Variants in ATP9B observed in about 807,000 individuals in gnomAD.
ATP9B encodes the protein ATPase phospholipid transporting 9B.
In ATP9B, 110 loss-of-function variants were observed where a neutral mutation model predicts 146.1. The observed-to-expected ratio is 0.75, with a 90% CI of 0.65 to 0.88. The LOEUF is 0.88. ATP9B is among the 40% of genes least tolerant of loss of function. The probability of loss-of-function intolerance (pLI) is 0.00; values close to 1 mark genes in which losing one functional copy is unlikely to be tolerated. For synonymous variants in ATP9B, 604 were observed against 569.7 expected (o/e 1.06, Z -0.86); for missense variants, 1,499 against 1,496.4 (o/e 1.00, Z -0.03).
At chr18:79,246,044 A>T (rs1236841352) in intron 11 of ATP9B, among the ~76,000 whole-genome samples, 402 of 70,298 alleles carry the variant, frequency 5.7e-3, no homozygotes, top group African/African-American at 0.024. Flanking sequence ...CGCCCTACTG[A>T]CTGTGCGGAG....
intron 11 of ATP9B, among the ~76,000 whole-genome samples, chr18:79,222,085 T>C (rs1374942245): frequency 6.6e-6 from 1 of 152,130 alleles, no homozygotes; most frequent in Non-Finnish European, 1.5e-5. Context: ...ATCCTAAATA[T>C]GTACTTTTTC....
At position 79,274,688 on chromosome 18, in the gene ATP9B, A is replaced by C. The variant is rs143553342; in HGVS notation, c.1269-2366A>C. 6.8e-3 allele frequency among the ~76,000 whole-genome samples: 1,028 copies of C among 152,236 alleles called. 5 individuals are homozygous for C. Among genetic ancestry groups the C allele is most frequent in the African/African-American group, 0.022 (930 of 41,530 alleles). On this transcript the variant is annotated intron_variant, in intron 12 of 29. Transcript: ENST00000426216. ...GAAGTCAGGTGTAGTTTACTCAGTG[A>C]TCTTTCGCTAGTAAGCTGTAAACTT...
At chr18:79,206,873 A>G (rs1303170578) in intron 9 of ATP9B, 64 bp from the exon 10 acceptor site, 13 of 1,416,866 alleles carry the variant, frequency 9.2e-6, no homozygotes, top group African/African-American at 7.0e-5. Flanking sequence ...TACTGAGGTT[A>G]TATAAGGTGT....
intron 7 of ATP9B, among the ~76,000 whole-genome samples, chr18:79,165,716 C>G (rs531851720): frequency 1.1e-3 from 172 of 152,214 alleles, no homozygotes; most frequent in Non-Finnish European, 1.4e-3. Context: ...TAAGCCCATG[C>G]AGCCAAAAAG....
intron 15 of ATP9B, among the ~76,000 whole-genome samples, chr18:79,320,475 G>A (rs2146873833): frequency 6.6e-6 from 1 of 152,356 alleles, no homozygotes; most frequent in East Asian, 1.9e-4. Flanking sequence ...AGGGGCATGA[G>A]AGGCCCAGGG....
At chr18:79,224,576 C>T (rs2095711125) in intron 11 of ATP9B, among the ~76,000 whole-genome samples, 1 of 152,168 alleles carries the variant, frequency 6.6e-6, no homozygotes, top group Non-Finnish European at 1.5e-5. Flanking sequence ...TACCATACAT[C>T]AAAAACAGGT....
At position 79,126,462 on chromosome 18, in the gene ATP9B, T is replaced by A. The variant is rs2094288849; in HGVS notation, c.667+87T>A. 6.7e-6 allele frequency: 6 copies of A among 897,482 alleles called. No individual in the cohort carries two copies. The African/African-American group carries it at 8.5e-5, about 13-fold the overall frequency. The allele number at this position is 897,482 out of a possible 1,614,324, so 55.6% of individuals were successfully genotyped here. A position where few individuals can be genotyped will look rare whatever the true frequency, so the allele number is the denominator to read the frequency against. ...ACATAACAAATGTATGAAAACATTT[T>A]AATTCTATTATTGAAAATAGTATTA... On this transcript the variant is annotated intron_variant, in intron 5 of 29. Coordinates refer to ENST00000426216, the MANE Select transcript of ATP9B (RefSeq NM_198531.5).
intron 7 of ATP9B, among the ~76,000 whole-genome samples, chr18:79,173,298 A>G (rs2095107982): frequency 6.6e-6 from 1 of 152,202 alleles, no homozygotes; most frequent in South Asian, 2.1e-4. Flanking sequence ...CATCTTCTGC[A>G]AGGATCTTTA....
chr18:79,245,593 A>G (rs111991863), intron 11 of ATP9B, among the ~76,000 whole-genome samples: 1 of 45,550 alleles, frequency 2.2e-5, no homozygotes, highest in Non-Finnish European at 4.4e-5. Context: ...CACCGCCCTA[A>G]TGACTGTGCG....
intron 2 of ATP9B, among the ~76,000 whole-genome samples, chr18:79,108,055 AAAG>A (rs1465576742): frequency 6.6e-6 from 1 of 152,112 alleles, no homozygotes; most frequent in African/African-American, 2.4e-5. Context: ...TCACCAGATA[AAAG>A]AGTGATGATT....
chr18:79,296,504 G>C (rs753464039), intron 13 of ATP9B, among the ~76,000 whole-genome samples: 7 of 152,192 alleles, frequency 4.6e-5, no homozygotes, highest in African/African-American at 1.7e-4. Context: ...GTAAAAAACA[G>C]ATTTTTCAAA....
chr18:79,176,602 A>AT (rs1203396924), intron 7 of ATP9B, among the ~76,000 whole-genome samples: 2 of 152,222 alleles, frequency 1.3e-5, no homozygotes, highest in African/African-American at 4.8e-5. Flanking sequence ...AAAAAATATA[A>AT]TGGCCTACAT....
chr18:79,196,429 A>G (rs915577498), intron 9 of ATP9B, among the ~76,000 whole-genome samples: 2 of 152,150 alleles, frequency 1.3e-5, no homozygotes, highest in Non-Finnish European at 2.9e-5. Flanking sequence ...TATGAATTTT[A>G]TACGCTTCCT....
At chr18:79,326,994 G>T (rs2096751112) in intron 15 of ATP9B, among the ~76,000 whole-genome samples, 1 of 152,232 alleles carries the variant, frequency 6.6e-6, no homozygotes, top group Admixed American at 6.5e-5. Flanking sequence ...TTGCAGAGGT[G>T]CAGCCATTTG....
chr18:79,304,342 G>A (rs1426513231), intron 14 of ATP9B, among the ~76,000 whole-genome samples: 4 of 152,146 alleles, frequency 2.6e-5, no homozygotes, highest in Admixed American at 2.0e-4. Flanking sequence ...CTGAGAACAG[G>A]AATTAGAGGT....
At chr18:79,352,950 A>G (rs528508252) in intron 25 of ATP9B, 3 of 152,276 alleles carry the variant, frequency 2.0e-5, no homozygotes, top group Non-Finnish European at 4.4e-5. Context: ...CAGACAGACA[A>G]CTCAGTTTTG....
intron 5 of ATP9B, among the ~76,000 whole-genome samples, chr18:79,130,968 C>T (rs959189146): frequency 6.6e-6 from 1 of 152,160 alleles, no homozygotes; most frequent in East Asian, 1.9e-4. Flanking sequence ...CAAGATGAGC[C>T]TGGCCAATGT....
chr18:79,166,006 A>C (rs963676724), intron 7 of ATP9B, among the ~76,000 whole-genome samples: 1 of 152,124 alleles, frequency 6.6e-6, no homozygotes, highest in African/African-American at 2.4e-5. Flanking sequence ...CCCAGTGCCC[A>C]CTTGATGACC....
chr18:79,368,735 T>C (rs910941404), intron 26 of ATP9B, among the ~76,000 whole-genome samples: 2 of 151,594 alleles, frequency 1.3e-5, no homozygotes, highest in African/African-American at 4.9e-5. Flanking sequence ...GTGGAGTGAG[T>C]GTGGCAAGCA....
Sources: allele counts gnomAD v4.1 joint callset (sites outside exome capture counted in the v4.1 genomes callset), GRCh38; gene constraint gnomAD v4.1.1; transcripts MANE v1.5; gene names NCBI Gene and HGNC (gene_info 2026-07-23, HGNC 2026-07-21).